The following CALCOCO2 variants were observed in gnomAD, a reference collection of about 807,000 sequenced individuals.
The protein encoded by CALCOCO2 is calcium-binding and coiled-coil domain-containing protein 2.
Under a neutral mutation model 62.5 loss-of-function variants are expected in CALCOCO2, and 42 were observed. The observed-to-expected ratio is 0.67, with a 90% confidence interval of 0.53 to 0.87. The LOEUF (loss-of-function observed/expected upper bound fraction) is 0.87, where lower values mean the gene tolerates loss of function less well. Ranked by LOEUF, CALCOCO2 falls within the 40% of genes least tolerant of loss-of-function variation. CALCOCO2 has a pLI of 0.00. For synonymous variants in CALCOCO2, 167 were observed against 173.0 expected (o/e 0.97, Z 0.27); for missense variants, 456 against 515.0 (o/e 0.89, Z 1.11).
chr17:48,842,695 C>T (rs190551685), intron 2 of CALCOCO2: 126 of 150,654 alleles, frequency 8.4e-4, no homozygotes, highest in Non-Finnish European at 9.9e-4. Context: ...GGCTGAAGTA[C>T]AGTGGTGCAA....
chr17:48,841,998 T>C (rs1269346613), intron 2 of CALCOCO2, 111 bp downstream of exon 2: 4 of 733,958 alleles, frequency 5.4e-6, no homozygotes, highest in African/African-American at 1.8e-5. Context: ...GTGTTGGCAG[T>C]TTTTAAATTC....
chr17:48,858,070 A>T (rs553050240), intron 10 of CALCOCO2, among the ~76,000 whole-genome samples: 4 of 147,834 alleles, frequency 2.7e-5, no homozygotes, highest in Non-Finnish European at 4.5e-5. Flanking sequence ...AGAATAGAAT[A>T]GAATTTTACC....
At chr17:48,862,341 A>G in intron 12 of CALCOCO2, 37 bp downstream of exon 12, 1 of 1,482,938 alleles carries the variant, frequency 6.7e-7, no homozygotes, top group South Asian at 1.1e-5. Context: ...CCCACAAAGC[A>G]CTTGAAAATT....
At chr17:48,851,736 A>G in intron 7 of CALCOCO2, 108 bp downstream of exon 7, 1 of 727,692 alleles carries the variant, frequency 1.4e-6, no homozygotes, top group Non-Finnish European at 2.5e-6. Context: ...CTAATGGCAT[A>G]CTTTTCAAAG....
chr17:48,857,610 A>G (rs112072573), intron 10 of CALCOCO2, among the ~76,000 whole-genome samples: 1,827 of 145,110 alleles, frequency 0.013, 40 homozygotes, highest in African/African-American at 0.043. Flanking sequence ...TTTACCCTCT[A>G]TAATCCTTCT....
intron 1 of CALCOCO2, among the ~76,000 whole-genome samples, chr17:48,832,847 A>G (rs2039835538): frequency 6.6e-6 from 1 of 152,012 alleles, no homozygotes; most frequent in Admixed American, 6.6e-5. Context: ...TCCCAGAACT[A>G]TTTTTTCCAT....
rs1405761553 is a variant in CALCOCO2, at chr17:48,841,904, G to A, written c.180+17G>A. The A allele has an allele frequency of 1.3e-6, 2 of 1,578,738 alleles. No homozygotes were observed. The highest frequency in any genetic ancestry group is 1.3e-5 in the African/African-American group (1 of 74,106). ...ATCTTTAGAGTAAGTGGTTAATTCA[G>A]TACCAAGTGATCAGGAACTAGAGGT... On this transcript the variant is annotated intron_variant, in intron 2 of 12. Coordinates refer to ENST00000258947, the MANE Select transcript of CALCOCO2 (RefSeq NM_005831.5).
At position 48,863,144 on chromosome 17, in the gene CALCOCO2, G is replaced by A. The variant is rs917770579; in HGVS notation, c.*139G>A. The A allele has an allele frequency of 3.0e-6, 2 of 677,240 alleles. No homozygotes were observed. Among genetic ancestry groups the A allele is most frequent in the Non-Finnish European group, 5.2e-6 (2 of 381,826 alleles). 42.0% of individuals were successfully genotyped at this position (677,240 alleles called of 1,614,324 possible). ...CAGCCCTGCTGCCGCTAACAGTGGA[G>A]TTATGTCACTGATCTGAAGGTCACT... On this transcript the variant is annotated 3_prime_UTR_variant, in exon 13 of 13. Transcript: ENST00000258947.
intron 2 of CALCOCO2, chr17:48,845,965 A>G (rs1013097690): frequency 1.1e-5 from 7 of 665,628 alleles, no homozygotes; most frequent in Non-Finnish European, 1.8e-5. Flanking sequence ...AAATTAGAGA[A>G]TGAAGAGTTG....
chr17:48,857,611 T>C (rs902564884), intron 10 of CALCOCO2, among the ~76,000 whole-genome samples: 2 of 146,340 alleles, frequency 1.4e-5, no homozygotes, highest in South Asian at 4.5e-4. Context: ...TTACCCTCTA[T>C]AATCCTTCTG....
intron 1 of CALCOCO2, among the ~76,000 whole-genome samples, chr17:48,836,583 G>A (rs2039894173): frequency 6.6e-6 from 1 of 152,056 alleles, no homozygotes; most frequent in African/African-American, 2.4e-5. Context: ...TGGTGATAGT[G>A]TTGTGAAGGA....
At chr17:48,834,314 C>A (rs2039860630) in intron 1 of CALCOCO2, among the ~76,000 whole-genome samples, 1 of 151,976 alleles carries the variant, frequency 6.6e-6, no homozygotes, top group South Asian at 2.1e-4. Flanking sequence ...AAATACTTTC[C>A]CATTATTGCC....
chr17:48,856,808 T>C (rs535833099), intron 10 of CALCOCO2, among the ~76,000 whole-genome samples: 4 of 151,682 alleles, frequency 2.6e-5, no homozygotes, highest in Non-Finnish European at 5.9e-5. Flanking sequence ...TTTGTTGTTG[T>C]TGTTTTTGAG....
intron 2 of CALCOCO2, among the ~76,000 whole-genome samples, chr17:48,843,664 A>G (rs1451307569): frequency 1.3e-5 from 2 of 152,216 alleles, no homozygotes; most frequent in African/African-American, 2.4e-5. Context: ...TCATCAGACT[A>G]AAAGGCGTGC....
chr17:48,850,866 CAAG>C (rs1319429125), intron 5 of CALCOCO2: 7 of 295,508 alleles, frequency 2.4e-5, no homozygotes, highest in Middle Eastern at 2.6e-3. Context: ...TGCAGTGAGC[CAAG>C]ACTGCGCCAC....
chr17:48,862,518 C>G (rs1487998164), intron 12 of CALCOCO2, among the ~76,000 whole-genome samples: 1 of 152,156 alleles, frequency 6.6e-6, no homozygotes, highest in Non-Finnish European at 1.5e-5. Flanking sequence ...AGGATCTATA[C>G]CTTTGAATTA....
chr17:48,856,002 G>A (rs1192790521), intron 9 of CALCOCO2, 90 bp from the exon 10 acceptor site: 3 of 551,294 alleles, frequency 5.4e-6, no homozygotes, highest in Non-Finnish European at 9.7e-6. Context: ...CAGTCTCCCC[G>A]CTTTGCAATG....
At position 48,852,906 on chromosome 17, in the gene CALCOCO2, T is replaced by A. The variant is rs576695844; in HGVS notation, c.826-20T>A. On this transcript the variant is annotated intron_variant, in intron 8 of 12. Transcript: ENST00000258947. ...GTGTGTGTTTTCCCAGCAATGGTAC[T>A]GAAATCTCTTTTTGTGCAGAGGAAG... The A allele has an allele frequency of 6.3e-7, 1 of 1,590,668 alleles. No individual in the cohort carries two copies. The highest frequency in any genetic ancestry group is 1.7e-5 in the Admixed American group (1 of 59,974).
rs990869225 is a variant in CALCOCO2, at chr17:48,863,483, C to T, written c.*478C>T. Reference sequence around the variant, plus strand: ...GCTTTCTCCAAATGATTGTTTTAGACTAGCCAAAAATGCCGTGGCAAAGAG... The same window carrying T: ...GCTTTCTCCAAATGATTGTTTTAGATTAGCCAAAAATGCCGTGGCAAAGAG... On this transcript the variant is annotated 3_prime_UTR_variant, in exon 13 of 13. Coordinates refer to ENST00000258947, the MANE Select transcript of CALCOCO2 (RefSeq NM_005831.5). 1 of 157,830 alleles carries T rather than the reference C, an allele frequency of 6.3e-6. No homozygotes were observed. The highest frequency in any genetic ancestry group is 1.4e-5 in the Non-Finnish European group (1 of 71,018). The allele number at this position is 157,830 out of a possible 1,614,324, so 9.8% of individuals were successfully genotyped here.
Sources: allele counts gnomAD v4.1 joint callset (sites outside exome capture counted in the v4.1 genomes callset), GRCh38; gene constraint gnomAD v4.1.1; transcripts MANE v1.5; gene names NCBI Gene and HGNC (gene_info 2026-07-23, HGNC 2026-07-21).